Variants in CNTN5 observed in about 807,000 individuals in gnomAD.
CNTN5 encodes the protein contactin 5.
In CNTN5, 77 loss-of-function variants were observed where a neutral mutation model predicts 129.1. The ratio of observed to expected loss-of-function variants is 0.60; its 90% confidence interval spans 0.50 to 0.72. CNTN5 has a LOEUF of 0.72. CNTN5 is among the 30% of genes least tolerant of loss of function. The pLI is 0.00. For synonymous variants in CNTN5, 509 were observed against 465.6 expected (o/e 1.09, Z -1.20); for missense variants, 1,478 against 1,328.8 (o/e 1.11, Z -1.75).
intron 2 of CNTN5, among the ~76,000 whole-genome samples, chr11:99,418,649 A>G (rs761241018): frequency 6.6e-6 from 1 of 152,222 alleles, no homozygotes; most frequent in Non-Finnish European, 1.5e-5. Context: ...AACCATTTCA[A>G]CTGTCATTAA....
chr11:99,415,842 G>T (rs1271593207), intron 2 of CNTN5, among the ~76,000 whole-genome samples: 1 of 152,174 alleles, frequency 6.6e-6, no homozygotes, highest in South Asian at 2.1e-4. Context: ...GGTAGAGGGG[G>T]CATCAATATT....
intron 2 of CNTN5, among the ~76,000 whole-genome samples, chr11:99,491,962 A>T (rs948805046): frequency 3.5e-4 from 53 of 152,310 alleles, no homozygotes; most frequent in African/African-American, 1.1e-3. Context: ...ACCTGGGTAG[A>T]AGAAGTCATA....
chr11:100,334,079 G>A lies in CNTN5; in HGVS notation c.2731-6384G>A, dbSNP rs1041926183. On this transcript the variant is annotated intron_variant, in intron 21 of 24. Coordinates refer to ENST00000524871, the MANE Select transcript of CNTN5 (RefSeq NM_014361.4). ...CAGAATCTACAGAGAACTCAAGTCA[G>A]CAAGAAGAAAATAAACGATCCCATC... 1.5e-4 allele frequency among the ~76,000 whole-genome samples: 23 copies of A among 151,870 alleles called. 1 individual carries two copies. Among genetic ancestry groups the A allele is most frequent in the African/African-American group, 4.1e-4 (17 of 41,510 alleles).
chr11:99,844,103 A>C (rs892448945), intron 4 of CNTN5, among the ~76,000 whole-genome samples: 7 of 152,148 alleles, frequency 4.6e-5, no homozygotes, highest in Non-Finnish European at 1.0e-4. Flanking sequence ...TTTATCACAC[A>C]CAGAATTTCT....
chr11:99,357,736 G>C (rs1244295887), intron 2 of CNTN5, among the ~76,000 whole-genome samples: 1 of 151,954 alleles, frequency 6.6e-6, no homozygotes. Flanking sequence ...ATTCTTACCT[G>C]AGAGTAGAGA....
intron 12 of CNTN5, 28 bp downstream of exon 12, chr11:100,071,862 A>C: frequency 6.9e-7 from 1 of 1,458,322 alleles, no homozygotes; most frequent in Non-Finnish European, 9.1e-7. Flanking sequence ...GAATAAATTG[A>C]AAAAAAAAAC....
chr11:100,289,368 C>A (rs960710565), intron 18 of CNTN5, among the ~76,000 whole-genome samples: 3 of 151,900 alleles, frequency 2.0e-5, no homozygotes, highest in Admixed American at 2.0e-4. Flanking sequence ...CAATAAAATA[C>A]TGGCAAACCG....
intron 3 of CNTN5, among the ~76,000 whole-genome samples, chr11:99,698,098 T>C (rs1243571941): frequency 1.3e-5 from 2 of 150,570 alleles, no homozygotes; most frequent in Admixed American, 6.6e-5. Flanking sequence ...GATTTTTTTT[T>C]ACTACGTATT....
At chr11:99,830,974 A>G (rs1426837314) in intron 4 of CNTN5, among the ~76,000 whole-genome samples, 1 of 152,110 alleles carries the variant, frequency 6.6e-6, no homozygotes, top group African/African-American at 2.4e-5. Flanking sequence ...ATGATAGTAT[A>G]TTTACTAAAT....
At chr11:100,237,206 AAAG>A (rs1208615789) in intron 16 of CNTN5, among the ~76,000 whole-genome samples, 1 of 151,500 alleles carries the variant, frequency 6.6e-6, no homozygotes, top group African/African-American at 2.4e-5. Flanking sequence ...AAAAAAAAAA[AAAG>A]AAAAGAAAGA....
At chr11:99,203,798 A>G (rs989162455) in intron 1 of CNTN5, among the ~76,000 whole-genome samples, 1 of 152,002 alleles carries the variant, frequency 6.6e-6, no homozygotes, top group Non-Finnish European at 1.5e-5. Flanking sequence ...GGGTTTTGCC[A>G]TGTTGGCCAC....
intron 1 of CNTN5, among the ~76,000 whole-genome samples, chr11:99,098,209 G>A (rs1300997595): frequency 6.6e-6 from 1 of 152,036 alleles, no homozygotes; most frequent in Non-Finnish European, 1.5e-5. Flanking sequence ...GTCATAAAAA[G>A]ATATTTGTTG....
At chr11:100,051,575 ATTAAT>A (rs1360512547) in intron 9 of CNTN5, among the ~76,000 whole-genome samples, 2 of 152,004 alleles carry the variant, frequency 1.3e-5, no homozygotes, top group African/African-American at 2.4e-5. Context: ...GGAAAATGAA[ATTAAT>A]TTAAGATGAA....
intron 13 of CNTN5, among the ~76,000 whole-genome samples, chr11:100,186,876 CA>C (rs1166411319): frequency 1.3e-5 from 2 of 152,012 alleles, no homozygotes; most frequent in East Asian, 3.9e-4. Context: ...ATTACGTGTG[CA>C]ATAACCAGAC....
chr11:99,845,744 G>A (rs1055009715), intron 6 of CNTN5, among the ~76,000 whole-genome samples: 1 of 152,082 alleles, frequency 6.6e-6, no homozygotes, highest in African/African-American at 2.4e-5. Context: ...TAGCCTGACA[G>A]GTTGAAGTCC....
At chr11:99,724,808 G>C (rs905047104) in intron 3 of CNTN5, among the ~76,000 whole-genome samples, 4 of 152,144 alleles carry the variant, frequency 2.6e-5, no homozygotes, top group African/African-American at 9.7e-5. Flanking sequence ...ATGTCCCCTT[G>C]TGTTATCTGG....
chr11:99,252,893 T>C (rs930990774), intron 1 of CNTN5, among the ~76,000 whole-genome samples: 1 of 152,056 alleles, frequency 6.6e-6, no homozygotes, highest in African/African-American at 2.4e-5. Flanking sequence ...TTATGGTTTG[T>C]ACATTTTGTG....
chr11:99,639,309 C>A (rs938828612), intron 3 of CNTN5, among the ~76,000 whole-genome samples: 2 of 152,164 alleles, frequency 1.3e-5, no homozygotes, highest in African/African-American at 4.8e-5. Context: ...TCCTCCTGGG[C>A]CTCTGGGCCT....
intron 13 of CNTN5, among the ~76,000 whole-genome samples, chr11:100,089,357 A>G (rs1438977374): frequency 6.6e-6 from 1 of 152,156 alleles, no homozygotes; most frequent in South Asian, 2.1e-4. Flanking sequence ...CCACGATGAG[A>G]TATCATCTCA....
Sources: gnomAD v4.1 joint callset for allele counts (sites outside exome capture counted in the v4.1 genomes callset) on GRCh38, gnomAD v4.1.1 for gene constraint, MANE v1.5 for transcripts, NCBI Gene and HGNC (gene_info 2026-07-23, HGNC 2026-07-21) for gene names.